Variants in FBH1 observed in about 807,000 individuals in gnomAD.
FBH1 encodes F-box DNA helicase 1.
Under a neutral mutation model 115.5 loss-of-function variants are expected in FBH1, and 43 were observed. The observed-to-expected ratio is 0.37, with a 90% CI of 0.29 to 0.48. FBH1 has a LOEUF of 0.48. Among genes scored for constraint, FBH1 ranks in the 20% least tolerant of loss-of-function variants. FBH1 has a pLI of 0.99. For synonymous variants in FBH1, 524 were observed against 507.8 expected, an observed-to-expected ratio of 1.03 and a Z score of -0.43; for missense variants, 1,001 against 1,337.3, an observed-to-expected ratio of 0.75 and a Z score of 3.92.
At chr10:5,899,139 C>G (rs1441306733) in intron 1 of FBH1, among the ~76,000 whole-genome samples, 1 of 152,174 alleles carries the variant, frequency 6.6e-6, no homozygotes, top group Non-Finnish European at 1.5e-5. Flanking sequence ...GCATCAGACC[C>G]TTCAACTGAG....
chr10:5,899,899 A>G (rs2131863629), intron 1 of FBH1, among the ~76,000 whole-genome samples: 1 of 152,350 alleles, frequency 6.6e-6, no homozygotes, highest in Non-Finnish European at 1.5e-5. Flanking sequence ...TTTAGTTTTT[A>G]ATGTAGAGAA....
At chr10:5,894,939 G>A in intron 1 of FBH1, 1 of 1,155,018 alleles carries the variant, frequency 8.7e-7, no homozygotes, top group Non-Finnish European at 1.2e-6. Flanking sequence ...TATCTCGGGT[G>A]TACAGGGCGG....
At position 5,909,229 on chromosome 10, in the gene FBH1, C is replaced by T; in HGVS notation, c.955C>T (p.Pro319Ser). 1.2e-6 allele frequency: 2 copies of T among 1,613,394 alleles called. No homozygotes were observed. The highest frequency in any genetic ancestry group is 1.7e-6 in the Non-Finnish European group (2 of 1,180,018). ...GGTGCTGTGGAGTCTGAGGGACCACCCCCTCCTCCCCGAGGCTGAGGCGTG... is the reference window on the plus strand; with the variant it reads ...GGTGCTGTGGAGTCTGAGGGACCACTCCCTCCTCCCCGAGGCTGAGGCGTG... ...ERVLWSLRDH[P>S]LLPEAEACVR... The change falls in exon 5 of 21, where the codon CCC (proline) becomes TCC (serine). Residue 319 changes from proline (P) to serine (S), a missense_variant. Around this residue, in one of 4 missense-constraint regions of FBH1, gnomAD observed 420 missense variants for 430.4 expected, o/e 0.98. Transcript: ENST00000362091. The surrounding 1 kb of genome is among the most constrained non-coding windows in gnomAD (Gnocchi z 4.4).
intron 2 of FBH1, among the ~76,000 whole-genome samples, chr10:5,905,574 C>A (rs1843641815): frequency 6.6e-6 from 1 of 152,124 alleles, no homozygotes; most frequent in Non-Finnish European, 1.5e-5. Context: ...TTAGCACTGT[C>A]AAATGAGAAG....
At position 5,935,615 on chromosome 10, in the gene FBH1, T is replaced by G. The variant is rs1222088718; in HGVS notation, c.2830-841T>G. ...ATAACTGGAGTGTTTGCCTGGTGGT[T>G]TTCTGTTCTTTTTCATAGCTGGTAG... On this transcript the variant is annotated intron_variant, in intron 19 of 20. Transcript: ENST00000362091. This position sits in a 1 kb window ranked among gnomAD's most constrained non-coding sequence, Gnocchi z 5.2. 1 of 152,274 alleles carries G rather than the reference T, an allele frequency of 6.6e-6. No individual in the cohort carries two copies. Among genetic ancestry groups the G allele is most frequent in the Non-Finnish European group, 1.5e-5 (1 of 68,052 alleles). 9.4% of individuals were successfully genotyped at this position (152,274 alleles called of 1,614,324 possible).
At chr10:5,903,897 C>T (rs190498916) in intron 2 of FBH1, among the ~76,000 whole-genome samples, 120 of 152,304 alleles carry the variant, frequency 7.9e-4, no homozygotes, top group Non-Finnish European at 1.5e-3. Flanking sequence ...TGGACTACTA[C>T]AGTAACCTTG....
chr10:5,906,125 C>T lies in FBH1; in HGVS notation c.246C>T (p.Gly82=). The part of the protein sequence containing the change: ...TNDMAKSNSV[G]QDSCQDSEGD... ...ACATGGCCAAAAGCAATTCTGTTGG[C>T]CAGGACAGCTGTCAGGACTCTGAGG... Residue 82 remains glycine, a synonymous_variant, in exon 3 of 21, where the codon GGC becomes GGT. Coordinates refer to ENST00000362091, the MANE Select transcript of FBH1 (RefSeq NM_178150.3). The surrounding 1 kb of genome is among the most constrained non-coding windows in gnomAD (Gnocchi z 7.3). 1 of 1,614,148 alleles carries T rather than the reference C, an allele frequency of 6.2e-7. No individual in the cohort carries two copies. Among genetic ancestry groups the T allele is most frequent in the Non-Finnish European group, 8.5e-7 (1 of 1,180,020 alleles).
In FBH1 at chr10:5,916,288, C is replaced by T. The variant is rs955777986; in HGVS notation, c.1620C>T (p.Asn540=). The stretch of plus-strand genomic sequence containing the variant: ...TCAAGTTAACACCCTTCATGGTCAA[C>T]TCCGTCCTTGCTGAAGGGAAGGGTG... ...NLFKLTPFMV[N]SVLAEGKGGF... The change falls in exon 10 of 21, where the codon AAC becomes AAT. Residue 540 remains asparagine (N), a synonymous_variant. Transcript: ENST00000362091. The T allele has an allele frequency of 6.2e-7, 1 of 1,614,218 alleles. No homozygotes were observed. Among genetic ancestry groups the T allele is most frequent in the African/African-American group, 1.3e-5 (1 of 75,058 alleles).
In FBH1 at chr10:5,926,056, C is replaced by T. The variant is rs577016842; in HGVS notation, c.2722+564C>T. Among the ~76,000 whole-genome samples the T allele has an allele frequency of 2.6e-5, 4 of 152,222 alleles. No individual in the cohort carries two copies. The South Asian group carries it at 8.3e-4, about 32-fold the overall frequency. ...AAAGTGTTGGGATTGCAGGCGTCAG[C>T]CACCACAGACATTTGTCTGCTTTCT... On this transcript the variant is annotated intron_variant, in intron 18 of 20. Coordinates refer to ENST00000362091, the MANE Select transcript of FBH1 (RefSeq NM_178150.3).
rs80008529 is a variant in FBH1, at chr10:5,918,705, C to G, written c.2100+227C>G. ...AGAGCTGCTGCGGCTGAACTGTGAA[C>G]CGATGGCTGCTGCCGCCTTGTACAT... On this transcript the variant is annotated intron_variant, in intron 13 of 20. Transcript: ENST00000362091. This position sits in a 1 kb window ranked among gnomAD's most constrained non-coding sequence, Gnocchi z 4.0. Among the ~76,000 whole-genome samples the G allele has an allele frequency of 8.7e-3, 1,325 of 152,296 alleles. 37 individuals carry two copies. The highest frequency in any genetic ancestry group is 0.064 in the Admixed American group (978 of 15,300).
At position 5,911,069 on chromosome 10, in the gene FBH1, G is replaced by A. The variant is rs1469912977; in HGVS notation, c.1152G>A (p.Leu384=). Residue 384 remains leucine (L), a synonymous_variant, in exon 6 of 21, where the codon CTG becomes CTA. Coordinates refer to ENST00000362091, the MANE Select transcript of FBH1 (RefSeq NM_178150.3). The surrounding 1 kb of genome is among the most constrained non-coding windows in gnomAD (Gnocchi z 5.4). ...CCATGCCAGATGTCACCGAGACCCT[G>A]TACTGCATAGCCGTGCTTCTCTACG... is the stretch of plus-strand genomic sequence containing the variant. ...TVTMPDVTET[L]YCIAVLLYAM... is the part of the protein sequence containing the mutation. The A allele has an allele frequency of 6.2e-7, 1 of 1,613,604 alleles. No individual in the cohort carries two copies. The highest frequency in any genetic ancestry group is 8.5e-7 in the Non-Finnish European group (1 of 1,180,024).
chr10:5,891,028 C>A, intron 1 of FBH1: 1 of 387,650 alleles, frequency 2.6e-6, no homozygotes, highest in Non-Finnish European at 3.5e-6. Flanking sequence ...GTCTGTGGTC[C>A]GAAGACAACC....
chr10:5,928,296 GCATGCCAC>G (rs1832776871), intron 19 of FBH1: 1 of 151,130 alleles, frequency 6.6e-6, no homozygotes, highest in African/African-American at 2.4e-5. Flanking sequence ...GACTACAGGT[GCATGCCAC>G]CACACCTGAC....
chr10:5,910,003 T>C lies in FBH1; in HGVS notation c.1020+709T>C, dbSNP rs1831466769. 6.6e-6 allele frequency among the ~76,000 whole-genome samples: 1 copy of C among 152,180 alleles called. No homozygotes were observed. The highest frequency in any genetic ancestry group is 2.4e-5 in the African/African-American group (1 of 41,456). On this transcript the variant is annotated intron_variant, in intron 5 of 20. Coordinates refer to ENST00000362091, the MANE Select transcript of FBH1 (RefSeq NM_178150.3). This position sits in a 1 kb window ranked among gnomAD's most constrained non-coding sequence, Gnocchi z 4.8. ...GTAGTAACTTAAGAATGGTAAAGGC[T>C]GGGCGTGGTGGCTCACGCCTGTTAT...
At position 5,937,167 on chromosome 10, in the gene FBH1, A is replaced by G; in HGVS notation, c.3019A>G (p.Ile1007Val). The G allele has an allele frequency of 6.2e-7, 1 of 1,614,118 alleles. No homozygotes were observed. Among genetic ancestry groups the G allele is most frequent in the Non-Finnish European group, 8.5e-7 (1 of 1,179,988 alleles). The change falls in exon 21 of 21, where the codon ATC becomes GTC. Residue 1007 changes from isoleucine to valine, a missense_variant. Ile to Val is a conservative substitution (Grantham distance 29). Transcript: ENST00000362091. ...YLCHSCAEQRIGPLAFLTASP... is the reference protein window; with the variant it reads ...YLCHSCAEQRVGPLAFLTASP... ...CTGCCACTCCTGTGCGGAGCAGCGCATCGGGCCCCTGGCGTTCCTGACAGC... is the reference window on the plus strand; with the variant it reads ...CTGCCACTCCTGTGCGGAGCAGCGCGTCGGGCCCCTGGCGTTCCTGACAGC...
chr10:5,925,212 C>T lies in FBH1; in HGVS notation c.2597-155C>T. The T allele has an allele frequency of 2.3e-6, 2 of 876,900 alleles. No homozygotes were observed. Among genetic ancestry groups the T allele is most frequent in the Non-Finnish European group, 3.4e-6 (2 of 583,536 alleles). The allele number at this position is 876,900 out of a possible 1,614,324, so 54.3% of individuals were successfully genotyped here. On this transcript the variant is annotated intron_variant, in intron 17 of 20. Coordinates refer to ENST00000362091, the MANE Select transcript of FBH1 (RefSeq NM_178150.3). This position sits in a 1 kb window ranked among gnomAD's most constrained non-coding sequence, Gnocchi z 4.6. ...TTCTGTTCCCGACAGTTGTCTGTTC[C>T]CGACAGTTGTTTCCTCTTTCCCCCT...
chr10:5,928,810 AC>A (rs933956945), intron 19 of FBH1: 1 of 152,206 alleles, frequency 6.6e-6, no homozygotes, highest in African/African-American at 2.4e-5. Context: ...CTTTCCCTGA[AC>A]CCAAGATATT....
rs746335782 is a variant in FBH1, at chr10:5,906,604, T to C, written c.725T>C (p.Leu242Ser). Residue 242 changes from leucine (L) to serine (S), a missense_variant, in exon 3 of 21, where the codon TTG (leucine) becomes TCG (serine). Transcript: ENST00000362091. This position sits in a 1 kb window ranked among gnomAD's most constrained non-coding sequence, Gnocchi z 7.3. ...LYWNLSLVCH[L>S]WREIISDPLF... ...TGGAACCTGAGCTTGGTGTGCCACT[T>C]GTGGAGGGAGATCATCAGTGACCCG... The C allele has an allele frequency of 3.7e-6, 6 of 1,610,596 alleles. No individual in the cohort carries two copies. Among genetic ancestry groups the C allele is most frequent in the African/African-American group, 1.3e-5 (1 of 74,900 alleles).
intron 9 of FBH1, 147 bp from the exon 10 acceptor site, chr10:5,916,087 C>A: frequency 1.4e-6 from 1 of 693,104 alleles, no homozygotes; most frequent in Non-Finnish European, 2.4e-6. Flanking sequence ...ATGGACCATG[C>A]AGAACTTTTT....
Sources: allele counts gnomAD v4.1 joint callset (sites outside exome capture counted in the v4.1 genomes callset), GRCh38; gene constraint gnomAD v4.1.1; regional missense constraint gnomAD v4.1.1; non-coding constraint Gnocchi (gnomAD v3.1); transcripts MANE v1.5; gene names NCBI Gene and HGNC (gene_info 2026-07-23, HGNC 2026-07-21).